CHRDL1: variants seen among roughly 807,000 people sequenced by gnomAD.
CHRDL1 encodes chordin like 1.
Under a neutral mutation model 40.9 loss-of-function variants are expected in CHRDL1, and 19 were observed. That is an observed-to-expected ratio of 0.46 (90% CI 0.32 to 0.68). The LOEUF (loss-of-function observed/expected upper bound fraction) is 0.68. Among genes scored for constraint, CHRDL1 ranks in the 30% least tolerant of loss-of-function variants. The pLI, the probability that CHRDL1 is intolerant of heterozygous loss-of-function variation, is 0.03. For synonymous variants in CHRDL1, 136 were observed against 123.4 expected (o/e 1.10, Z -0.68); for missense variants, 329 against 352.1 (o/e 0.93, Z 0.53).
At chrX:110,726,393 C>T (rs1048805936) in intron 4 of CHRDL1, among the ~76,000 whole-genome samples, 1 of 111,672 alleles carries the variant, frequency 9.0e-6, no homozygotes, top group Non-Finnish European at 1.9e-5. Context: ...TATATAGGCT[C>T]ACAGGGAGAA....
Position 110,694,173 on chromosome X carries a change from C to T in CHRDL1, c.768G>A (p.Lys256=). ...IVQIVINNKH[K]HGQVCVSNGK... ...AAGGATGCCCCTTACCTTGTCCATGCTTGTGTTTGTTATTGATGACAATTT... is the reference window on the plus strand; with the variant it reads ...AAGGATGCCCCTTACCTTGTCCATGTTTGTGTTTGTTATTGATGACAATTT... The change falls in exon 8 of 12, where the codon AAG becomes AAA. Residue 256 remains lysine (K), a synonymous_variant. Transcript: ENST00000372042. 3 of 1,207,460 alleles carry T rather than the reference C, an allele frequency of 2.5e-6. No homozygotes were observed. Among genetic ancestry groups the T allele is most frequent in the Non-Finnish European group, 3.4e-6 (3 of 892,052 alleles).
At chrX:110,698,238 T>TA (rs1451633156) in intron 7 of CHRDL1, among the ~76,000 whole-genome samples, 18 of 111,426 alleles carry the variant, frequency 1.6e-4, no homozygotes, top group Non-Finnish European at 1.9e-5. Flanking sequence ...TTTTCTCATT[T>TA]TAGGCTGGTC....
At chrX:110,691,711 A>G (rs10482447) in intron 8 of CHRDL1, among the ~76,000 whole-genome samples, 53,689 of 110,604 alleles carry the variant, frequency 0.49, 11,307 homozygotes, top group African/African-American at 0.79. Context: ...GAATAATGTT[A>G]GCTGCCTTTT....
intron 2 of CHRDL1, among the ~76,000 whole-genome samples, 181 bp downstream of exon 2, chrX:110,791,907 T>G (rs1427285089): frequency 8.9e-6 from 1 of 112,317 alleles, no homozygotes; most frequent in African/African-American, 3.2e-5. Flanking sequence ...CCAAATTTAG[T>G]TGGCCTGATT....
intron 4 of CHRDL1, among the ~76,000 whole-genome samples, chrX:110,749,250 T>A (rs2089313118): frequency 9.0e-6 from 1 of 111,688 alleles, no homozygotes; most frequent in African/African-American, 3.3e-5. Context: ...AGGATGAATT[T>A]ATTGAAGAAA....
At chrX:110,783,709 T>G (rs2089977643) in intron 2 of CHRDL1, among the ~76,000 whole-genome samples, 2 of 111,724 alleles carry the variant, frequency 1.8e-5, no homozygotes, top group Admixed American at 9.5e-5. Context: ...TTCAAATGTA[T>G]CAGCTTGCCC....
At chrX:110,794,907 G>T (rs2090158219) in intron 1 of CHRDL1, among the ~76,000 whole-genome samples, 1 of 112,047 alleles carries the variant, frequency 8.9e-6, no homozygotes, top group Admixed American at 9.4e-5. Flanking sequence ...GGAGTCCCAG[G>T]CCCTTGTCCA....
intron 11 of CHRDL1, among the ~76,000 whole-genome samples, chrX:110,678,192 T>C (rs977476049): frequency 8.9e-6 from 1 of 112,068 alleles, no homozygotes; most frequent in African/African-American, 3.2e-5. Flanking sequence ...TCCAATGTCC[T>C]AGCATGATAA....
intron 2 of CHRDL1, among the ~76,000 whole-genome samples, chrX:110,774,362 T>C (rs1307792644): frequency 1.8e-5 from 2 of 111,936 alleles, no homozygotes; most frequent in Non-Finnish European, 3.8e-5. Flanking sequence ...GCTGAAAATA[T>C]TCTTTGGTAT....
chrX:110,698,397 G>A (rs1040402663), intron 7 of CHRDL1, among the ~76,000 whole-genome samples: 1 of 111,384 alleles, frequency 9.0e-6, no homozygotes, highest in Admixed American at 9.6e-5. Flanking sequence ...TATTTATTGG[G>A]TGACTACTAT....
Position 110,678,183 on chromosome X carries a change from C to A in CHRDL1, c.1246+1153G>T, listed in dbSNP as rs770270243. The stretch of plus-strand genomic sequence containing the variant: ...GCATTCTCTGGCCTGGAGATCAAGT[C>A]CAATGTCCTAGCATGATAAATTGGG... On this transcript the variant is annotated intron_variant, in intron 11 of 11. Coordinates refer to ENST00000372042, the MANE Select transcript of CHRDL1 (RefSeq NM_001143981.2). 6.3e-5 allele frequency among the ~76,000 whole-genome samples: 7 copies of A among 111,970 alleles called. 1 individual carries two copies. In the South Asian group the frequency reaches 2.6e-3, roughly 42 times the overall value.
intron 6 of CHRDL1, among the ~76,000 whole-genome samples, chrX:110,706,163 CTG>C (rs1197749023): frequency 9.0e-6 from 1 of 110,901 alleles, no homozygotes; most frequent in African/African-American, 3.3e-5. Context: ...CCTAAAAAAC[CTG>C]TTTCTTTGCT....
chrX:110,699,165 C>G (rs1220870715), intron 7 of CHRDL1, among the ~76,000 whole-genome samples: 3 of 111,980 alleles, frequency 2.7e-5, no homozygotes, highest in Non-Finnish European at 5.6e-5. Flanking sequence ...TGCAACTATT[C>G]AGAAACAGCA....
chrX:110,765,383 A>G (rs754442897), intron 2 of CHRDL1, among the ~76,000 whole-genome samples: 2 of 112,188 alleles, frequency 1.8e-5, no homozygotes, highest in South Asian at 7.5e-4. Flanking sequence ...TCCCCAGTAA[A>G]TGTCTAGAAG....
intron 4 of CHRDL1, among the ~76,000 whole-genome samples, chrX:110,750,115 G>T (rs947044690): frequency 3.6e-5 from 4 of 111,583 alleles, no homozygotes; most frequent in Non-Finnish European, 7.5e-5. Flanking sequence ...GTGGCCTCGG[G>T]ATCTTCCCCC....
chrX:110,791,387 C>T (rs1205702827), intron 2 of CHRDL1, among the ~76,000 whole-genome samples: 1 of 111,962 alleles, frequency 8.9e-6, no homozygotes, highest in African/African-American at 3.2e-5. Context: ...TCGACCGTTA[C>T]TCATAAATCT....
chrX:110,763,380 G>A (rs1040860702), intron 2 of CHRDL1, among the ~76,000 whole-genome samples: 3 of 108,904 alleles, frequency 2.8e-5, no homozygotes, highest in Non-Finnish European at 3.8e-5. Flanking sequence ...TACGATGTTC[G>A]GTTTCCATTT....
chrX:110,704,317 C>CA (rs1415559076), intron 6 of CHRDL1, among the ~76,000 whole-genome samples: 5 of 110,831 alleles, frequency 4.5e-5, no homozygotes, highest in Admixed American at 3.8e-4. Context: ...AGTAAAAATT[C>CA]AAAAAAATAT....
chrX:110,705,368 T>C (rs1423242061), intron 6 of CHRDL1, among the ~76,000 whole-genome samples: 3 of 1,950 alleles, frequency 1.5e-3, no homozygotes, highest in Admixed American at 4.0e-3. Context: ...CACACACATA[T>C]ATATATACAC....
Sources: gnomAD v4.1 joint callset for allele counts (sites outside exome capture counted in the v4.1 genomes callset) on GRCh38, gnomAD v4.1.1 for gene constraint, MANE v1.5 for transcripts, NCBI Gene and HGNC (gene_info 2026-07-23, HGNC 2026-07-21) for gene names.